ADGRL3: variants seen among roughly 807,000 people sequenced by gnomAD.
ADGRL3 encodes the protein calcium-independent alpha-latrotoxin receptor 3.
ADGRL3 carries 62 observed loss-of-function variants against 153.5 expected under a neutral mutation model. The observed-to-expected ratio is 0.40, with a 90% CI of 0.33 to 0.50. The LOEUF is 0.50. Among genes scored for constraint, ADGRL3 ranks in the 20% least tolerant of loss-of-function variants. The pLI is 0.47. For synonymous variants in ADGRL3, 710 were observed against 672.5 expected (o/e 1.06, Z -0.86); for missense variants, 1,641 against 1,859.4 (o/e 0.88, Z 2.16).
chr4:61,765,070 A>G lies in ADGRL3; in HGVS notation c.1399+31516A>G, dbSNP rs191595369. 9.8e-3 allele frequency among the ~76,000 whole-genome samples: 1,492 copies of G among 152,256 alleles called. 38 individuals carry two copies. The highest frequency in any genetic ancestry group is 0.034 in the African/African-American group (1,417 of 41,504). On this transcript the variant is annotated intron_variant, in intron 8 of 26. Coordinates refer to ENST00000683033, the MANE Select transcript of ADGRL3 (RefSeq NM_001387552.1). ...TAGAGAGTGCCTAAGGAGATTCAGCATAGTCCTGCCAGCAAAGATTATGTA... is the reference window on the plus strand; with the variant it reads ...TAGAGAGTGCCTAAGGAGATTCAGCGTAGTCCTGCCAGCAAAGATTATGTA...
rs1264187882 is a variant in ADGRL3 at position 61,732,736 on chromosome 4, C to T, written c.599-18C>T. 7 of 1,369,268 alleles carry T rather than the reference C, an allele frequency of 5.1e-6. No homozygotes were observed. The highest frequency in any genetic ancestry group is 3.9e-6 in the Non-Finnish European group (4 of 1,024,406). The allele number at this position is 1,369,268 out of a possible 1,614,324, so 84.8% of individuals were successfully genotyped here. A position where few individuals can be genotyped will look rare whatever the true frequency, so the allele number is the denominator to read the frequency against. ...AAATTAATATATTTATTTATTTTAACTGTTTCCCTTCCAACAGTTTTTCTT... is the reference window on the plus strand; with the variant it reads ...AAATTAATATATTTATTTATTTTAATTGTTTCCCTTCCAACAGTTTTTCTT... On this transcript the variant is annotated intron_variant, in intron 7 of 26. Coordinates refer to ENST00000683033, the MANE Select transcript of ADGRL3 (RefSeq NM_001387552.1).
intron 1 of ADGRL3, among the ~76,000 whole-genome samples, chr4:61,340,809 T>C (rs1039984224): frequency 6.6e-6 from 1 of 151,266 alleles, no homozygotes; most frequent in African/African-American, 2.4e-5. Context: ...CTGTATTATA[T>C]ATTTATGTGT....
chr4:61,734,041 G>A (rs982414311), intron 8 of ADGRL3, among the ~76,000 whole-genome samples: 1 of 152,188 alleles, frequency 6.6e-6, no homozygotes, highest in Non-Finnish European at 1.5e-5. Context: ...TTGTCAGTTT[G>A]AGTCTGTCTG....
chr4:61,502,251 CTAAGCCCCAGATGAT>C (rs2098394409), intron 3 of ADGRL3, among the ~76,000 whole-genome samples: 1 of 152,072 alleles, frequency 6.6e-6, no homozygotes, highest in Admixed American at 6.5e-5. Context: ...GTAACTACAC[CTAAGCCCCAGATGAT>C]TGGGAGTTCA....
chr4:61,795,068 T>TA, intron 8 of ADGRL3, among the ~76,000 whole-genome samples: 1 of 152,344 alleles, frequency 6.6e-6, no homozygotes, highest in East Asian at 1.9e-4. Flanking sequence ...AGGATCTTTT[T>TA]ACCTATCAAG....
intron 5 of ADGRL3, among the ~76,000 whole-genome samples, chr4:61,619,183 G>A (rs968916830): frequency 3.3e-5 from 5 of 152,100 alleles, no homozygotes; most frequent in African/African-American, 1.2e-4. Flanking sequence ...TATACAGTAG[G>A]ACAGAAACAA....
At chr4:61,795,339 G>A (rs1428750279) in intron 8 of ADGRL3, among the ~76,000 whole-genome samples, 1 of 152,014 alleles carries the variant, frequency 6.6e-6, no homozygotes, top group African/African-American at 2.4e-5. Flanking sequence ...ATGTTGCTAT[G>A]CTGTTCTTGA....
intron 11 of ADGRL3, among the ~76,000 whole-genome samples, chr4:61,897,209 G>C (rs972943303): frequency 6.6e-6 from 1 of 152,028 alleles, no homozygotes; most frequent in Non-Finnish European, 1.5e-5. Flanking sequence ...TTCTTCCAGT[G>C]CATTTTGTTT....
At chr4:61,914,932 A>C (rs112178464) in intron 13 of ADGRL3, among the ~76,000 whole-genome samples, 1 of 152,162 alleles carries the variant, frequency 6.6e-6, no homozygotes, top group African/African-American at 2.4e-5. Context: ...TTATTACTTT[A>C]ATCTCAGCAT....
At position 61,831,171 on chromosome 4, in the gene ADGRL3, G is replaced by A. The variant is rs187293662; in HGVS notation, c.1480+17282G>A. On this transcript the variant is annotated intron_variant, in intron 9 of 26. Transcript: ENST00000683033. Reference sequence around the variant, plus strand: ...CCCAAAGTGCTGGGATTACAGGCGTGAGCCACCACACCCGGCCTAGCTTTG... The same window carrying A: ...CCCAAAGTGCTGGGATTACAGGCGTAAGCCACCACACCCGGCCTAGCTTTG... Among the ~76,000 whole-genome samples, 696 of 151,672 alleles carry A rather than the reference G, an allele frequency of 4.6e-3. 4 individuals are homozygous for A. The highest frequency in any genetic ancestry group is 0.014 in the South Asian group (65 of 4,786).
At chr4:61,356,425 GA>G (rs1356452515) in intron 1 of ADGRL3, among the ~76,000 whole-genome samples, 1 of 151,232 alleles carries the variant, frequency 6.6e-6, no homozygotes, top group African/African-American at 2.4e-5. Context: ...TAGATATTAA[GA>G]AAAAAACAAA....
intron 21 of ADGRL3, among the ~76,000 whole-genome samples, chr4:62,014,253 GAGTTTGTGTGCTC>G (rs1399456610): frequency 6.6e-6 from 1 of 152,140 alleles, no homozygotes; most frequent in African/African-American, 2.4e-5. Context: ...CCAATCCTTT[GAGTTTGTGTGCTC>G]CTCAGGGAAA....
intron 1 of ADGRL3, among the ~76,000 whole-genome samples, chr4:61,235,913 T>A (rs1752602906): frequency 6.6e-6 from 1 of 152,128 alleles, no homozygotes; most frequent in South Asian, 2.1e-4. Context: ...CATTTATGTA[T>A]ATCAGCTTCT....
At chr4:61,322,245 C>G (rs759368604) in intron 1 of ADGRL3, among the ~76,000 whole-genome samples, 1 of 152,200 alleles carries the variant, frequency 6.6e-6, no homozygotes, top group East Asian at 1.9e-4. Context: ...ATTCAGTCAT[C>G]TCCCAACGGG....
intron 5 of ADGRL3, among the ~76,000 whole-genome samples, chr4:61,666,433 A>G (rs900604484): frequency 8.6e-5 from 13 of 151,974 alleles, no homozygotes; most frequent in Non-Finnish European, 1.6e-4. Context: ...TCAGTATGAC[A>G]TTCCTTGTCT....
chr4:61,552,671 A>G (rs2098745694), intron 4 of ADGRL3, among the ~76,000 whole-genome samples: 2 of 151,978 alleles, frequency 1.3e-5, no homozygotes, highest in Admixed American at 6.6e-5. Flanking sequence ...GTCTCCCTGC[A>G]TTGCCCAGAC....
At chr4:61,902,889 A>G (rs1413228429) in intron 11 of ADGRL3, among the ~76,000 whole-genome samples, 1 of 152,164 alleles carries the variant, frequency 6.6e-6, no homozygotes, top group Non-Finnish European at 1.5e-5. Context: ...ATTTTTAATA[A>G]CTCTTTCCAT....
intron 1 of ADGRL3, among the ~76,000 whole-genome samples, chr4:61,341,932 C>T (rs2095815922): frequency 6.6e-6 from 1 of 152,046 alleles, no homozygotes; most frequent in Non-Finnish European, 1.5e-5. Flanking sequence ...TGCCAAAATA[C>T]TCTAAAATGT....
At chr4:61,993,834 C>T (rs951444813) in intron 19 of ADGRL3, among the ~76,000 whole-genome samples, 2 of 152,020 alleles carry the variant, frequency 1.3e-5, no homozygotes, top group African/African-American at 4.8e-5. Context: ...ACCTTGAATT[C>T]TCTGGTTTGT....
Sources: allele counts gnomAD v4.1 joint callset (sites outside exome capture counted in the v4.1 genomes callset), GRCh38; gene constraint gnomAD v4.1.1; transcripts MANE v1.5; gene names NCBI Gene and HGNC (gene_info 2026-07-23, HGNC 2026-07-21).